Variants in DECR1 observed in about 807,000 individuals in gnomAD.
The protein encoded by DECR1 is 2,4-dienoyl-CoA reductase [(3E)-enoyl-CoA-producing], mitochondrial.
A neutral mutation model predicts 38.8 loss-of-function variants in DECR1; 44 were observed. The ratio of observed to expected loss-of-function variants is 1.13; its 90% CI spans 0.89 to 1.46. The LOEUF is 1.46. Ranked by LOEUF, DECR1 falls within the 40% of genes most tolerant of loss-of-function variation. The pLI, the probability that DECR1 is intolerant of heterozygous loss-of-function variation, is 0.00. For missense variants in DECR1, 428 were observed against 405.5 expected (o/e 1.06, Z -0.48); for synonymous variants, 148 against 135.2 (o/e 1.09, Z -0.66).
chr8:90,009,667 A>G (rs1812835666), intron 1 of DECR1, among the ~76,000 whole-genome samples: 1 of 152,060 alleles, frequency 6.6e-6, no homozygotes, highest in South Asian at 2.1e-4. Flanking sequence ...CCCAAAACAA[A>G]CTCTTTGCAA....
At position 90,051,777 on chromosome 8, in the gene DECR1, A is replaced by G. The variant is rs759186825; in HGVS notation, c.948+38A>G. 3.7e-6 allele frequency: 6 copies of G among 1,611,740 alleles called. No homozygotes were observed. In the South Asian group the frequency reaches 6.6e-5, roughly 18 times the overall value. Reference sequence around the variant, plus strand: ...TGTGTATAATGTAATATCAGCAGCTAGGATACTAAGCTTTAAAAACATGTA... The same window carrying G: ...TGTGTATAATGTAATATCAGCAGCTGGGATACTAAGCTTTAAAAACATGTA... On this transcript the variant is annotated intron_variant, in intron 9 of 9. Transcript: ENST00000220764.
At chr8:90,018,805 T>C in intron 2 of DECR1, 104 bp from the exon 3 acceptor site, 1 of 910,346 alleles carries the variant, frequency 1.1e-6, no homozygotes, top group Non-Finnish European at 1.8e-6. Flanking sequence ...ATAACATCTA[T>C]ACTTTCTCAG....
At chr8:90,027,681 G>C (rs1242495187) in intron 5 of DECR1, among the ~76,000 whole-genome samples, 1 of 151,802 alleles carries the variant, frequency 6.6e-6, no homozygotes, top group Non-Finnish European at 1.5e-5. Context: ...CAATTTGCCA[G>C]TCTGTGTCTT....
chr8:90,050,422 A>G (rs561172165), intron 8 of DECR1, among the ~76,000 whole-genome samples: 1 of 152,352 alleles, frequency 6.6e-6, no homozygotes, highest in East Asian at 1.9e-4. Context: ...CACATGAAAA[A>G]ATGCTCATCA....
chr8:90,051,249 T>A (rs1031815438), intron 8 of DECR1, among the ~76,000 whole-genome samples: 3 of 151,048 alleles, frequency 2.0e-5, no homozygotes, highest in African/African-American at 7.3e-5. Context: ...AAACTTACAA[T>A]TATGGCTGAA....
intron 1 of DECR1, among the ~76,000 whole-genome samples, chr8:90,014,453 T>G (rs1267414115): frequency 1.3e-5 from 2 of 152,196 alleles, no homozygotes; most frequent in Non-Finnish European, 2.9e-5. Flanking sequence ...TTAAAATAGC[T>G]TATCAATTTC....
intron 5 of DECR1, among the ~76,000 whole-genome samples, chr8:90,022,716 T>C (rs530833876): frequency 6.6e-6 from 1 of 152,192 alleles, no homozygotes; most frequent in Non-Finnish European, 1.5e-5. Context: ...TCATTTTTGG[T>C]TCTCTGTTTC....
intron 5 of DECR1, among the ~76,000 whole-genome samples, chr8:90,024,577 T>C (rs1370256731): frequency 2.0e-5 from 3 of 152,220 alleles, no homozygotes; most frequent in African/African-American, 7.2e-5. Context: ...TTGATTTTTT[T>C]CTTGTAAATT....
intron 1 of DECR1, among the ~76,000 whole-genome samples, chr8:90,009,195 G>T (rs1563616093): frequency 6.6e-6 from 1 of 152,002 alleles, no homozygotes; most frequent in Non-Finnish European, 1.5e-5. Context: ...TTCTTCTCCA[G>T]CCACACTGGC....
chr8:90,014,999 TATG>T (rs1382805683), intron 1 of DECR1, among the ~76,000 whole-genome samples: 9 of 152,124 alleles, frequency 5.9e-5, no homozygotes, highest in Non-Finnish European at 1.3e-4. Context: ...CTAAAATAAA[TATG>T]ATGACTGGCA....
At chr8:90,028,589 A>G (rs1243287849) in intron 5 of DECR1, among the ~76,000 whole-genome samples, 1 of 152,136 alleles carries the variant, frequency 6.6e-6, no homozygotes. Context: ...ATATGATGTA[A>G]CAGGTGTTGG....
intron 6 of DECR1, among the ~76,000 whole-genome samples, chr8:90,041,338 T>G (rs1394487709): frequency 6.6e-6 from 1 of 152,068 alleles, no homozygotes; most frequent in Non-Finnish European, 1.5e-5. Flanking sequence ...TAAGTTTAAT[T>G]TGTTTAAGTT....
At chr8:90,050,636 A>G (rs1399194594) in intron 8 of DECR1, among the ~76,000 whole-genome samples, 2 of 152,218 alleles carry the variant, frequency 1.3e-5, no homozygotes, top group Non-Finnish European at 2.9e-5. Flanking sequence ...AGGGTCTAGA[A>G]CTAGAAATAC....
chr8:90,011,220 A>G (rs1563618220), intron 1 of DECR1, among the ~76,000 whole-genome samples: 1 of 152,192 alleles, frequency 6.6e-6, no homozygotes, highest in Non-Finnish European at 1.5e-5. Flanking sequence ...ATACTTATTG[A>G]ATAATTAAAA....
chr8:90,047,724 A>G (rs1203919037), intron 8 of DECR1, among the ~76,000 whole-genome samples: 1 of 152,240 alleles, frequency 6.6e-6, no homozygotes, highest in South Asian at 2.1e-4. Context: ...AAATCAACAG[A>G]ATATATATTC....
intron 5 of DECR1, among the ~76,000 whole-genome samples, chr8:90,021,496 G>C (rs2130063686): frequency 6.6e-6 from 1 of 152,306 alleles, no homozygotes; most frequent in Non-Finnish European, 1.5e-5. Context: ...AGGTGGGTTG[G>C]AGTGTAATTG....
chr8:90,045,351 G>A (rs1813867213), intron 8 of DECR1, among the ~76,000 whole-genome samples: 1 of 152,070 alleles, frequency 6.6e-6, no homozygotes. Flanking sequence ...TTTTCCAATG[G>A]TCTTAGCAAA....
intron 6 of DECR1, among the ~76,000 whole-genome samples, chr8:90,041,279 A>G (rs1813755579): frequency 6.6e-6 from 1 of 152,078 alleles, no homozygotes; most frequent in African/African-American, 2.4e-5. Flanking sequence ...TCTTTTGAGA[A>G]GCGTCTGTTC....
At chr8:90,005,824 CTGCT>C in intron 1 of DECR1, 1 of 303,410 alleles carries the variant, frequency 3.3e-6, no homozygotes. Context: ...CGGCCTAAGG[CTGCT>C]TGCACTTGTG....
Sources: allele counts gnomAD v4.1 joint callset (sites outside exome capture counted in the v4.1 genomes callset), GRCh38; gene constraint gnomAD v4.1.1; transcripts MANE v1.5; gene names NCBI Gene and HGNC (gene_info 2026-07-23, HGNC 2026-07-21).